GOLM1: variants seen among roughly 807,000 people sequenced by gnomAD.
GOLM1 encodes the protein golgi membrane protein 1, also known as epididymis luminal protein 46.
In GOLM1, 31 loss-of-function variants were observed where a neutral mutation model predicts 50.5. The observed-to-expected ratio is 0.61, with a 90% CI of 0.46 to 0.83. GOLM1 has a LOEUF of 0.83. Among genes scored for constraint, GOLM1 ranks in the 40% least tolerant of loss-of-function variants. GOLM1 has a pLI of 0.00. For missense variants in GOLM1, 491 were observed against 501.3 expected, an observed-to-expected ratio of 0.98 and a Z score of 0.20; for synonymous variants, 178 against 192.8, an observed-to-expected ratio of 0.92 and a Z score of 0.64.
At chr9:86,053,607 TCACACA>T (rs1833873179) in intron 3 of GOLM1, among the ~76,000 whole-genome samples, 2 of 3,016 alleles carry the variant, frequency 6.6e-4, no homozygotes, top group Non-Finnish European at 8.7e-4. Context: ...CACACACACA[TCACACA>T]CCACACCAAA....
intron 1 of GOLM1, among the ~76,000 whole-genome samples, chr9:86,085,827 T>A (rs551261323): frequency 6.6e-6 from 1 of 152,236 alleles, no homozygotes; most frequent in Non-Finnish European, 1.5e-5. Context: ...TATGGCTGCA[T>A]AGTATTCCAT....
At chr9:86,038,075 A>T (rs1833206436) in intron 6 of GOLM1, among the ~76,000 whole-genome samples, 1 of 151,318 alleles carries the variant, frequency 6.6e-6, no homozygotes, top group Non-Finnish European at 1.5e-5. Context: ...AATTGCTTCA[A>T]CCCGGGAGGC....
chr9:86,085,350 T>C (rs1563967821), intron 1 of GOLM1, among the ~76,000 whole-genome samples: 1 of 152,136 alleles, frequency 6.6e-6, no homozygotes. Flanking sequence ...CTAAAGCTCT[T>C]TGTCTATTAA....
At chr9:86,057,802 C>A (rs1834036783) in intron 3 of GOLM1, among the ~76,000 whole-genome samples, 1 of 152,222 alleles carries the variant, frequency 6.6e-6, no homozygotes, top group African/African-American at 2.4e-5. Flanking sequence ...TGGAGACTGG[C>A]GGCTCTGTCC....
intron 3 of GOLM1, among the ~76,000 whole-genome samples, chr9:86,065,235 T>C (rs1335184765): frequency 6.6e-6 from 1 of 152,158 alleles, no homozygotes; most frequent in African/African-American, 2.4e-5. Flanking sequence ...CTACACTCAC[T>C]TCCTCATCTT....
intron 3 of GOLM1, among the ~76,000 whole-genome samples, chr9:86,061,006 T>C (rs961892089): frequency 5.3e-5 from 8 of 150,902 alleles, no homozygotes; most frequent in Admixed American, 5.3e-4. Context: ...GGTATGATCA[T>C]GGTATTGTGG....
At chr9:86,090,786 CA>C (rs776381865) in intron 1 of GOLM1, among the ~76,000 whole-genome samples, 5,073 of 41,276 alleles carry the variant, frequency 0.12, 92 homozygotes, top group Non-Finnish European at 0.14. Flanking sequence ...ACTGGGGTAC[CA>C]AAAAAAAAAA....
rs376009791 is a variant in GOLM1 at position 86,077,538 on chromosome 9, G to T, written c.183C>A (p.Gly61=). 1 of 1,612,788 alleles carries T rather than the reference G, an allele frequency of 6.2e-7. No individual in the cohort carries two copies. ...GRVRRAAAER[G]AVELKKNEFQ... Reference sequence around the variant, plus strand: ...ACTCGTTCTTCTTCAGCTCCACGGCGCCTCTCTCTGCAGCCGCCCTGCGGA... The same window carrying T: ...ACTCGTTCTTCTTCAGCTCCACGGCTCCTCTCTCTGCAGCCGCCCTGCGGA... The change falls in exon 3 of 10, where the codon GGC becomes GGA. Residue 61 remains glycine (G), a synonymous_variant. Transcript: ENST00000388712.
At chr9:86,071,200 T>A (rs1001488388) in intron 3 of GOLM1, among the ~76,000 whole-genome samples, 1 of 152,000 alleles carries the variant, frequency 6.6e-6, no homozygotes, top group African/African-American at 2.4e-5. Context: ...GGGCTCAAGG[T>A]GATCCACCCA....
intron 3 of GOLM1, among the ~76,000 whole-genome samples, chr9:86,062,728 C>T (rs1430833998): frequency 6.7e-6 from 1 of 148,944 alleles, no homozygotes; most frequent in African/African-American, 2.5e-5. Flanking sequence ...GAGAAGCAAA[C>T]GGGGGGGGCT....
intron 1 of GOLM1, among the ~76,000 whole-genome samples, chr9:86,088,420 G>GTGTGCATATATATATATATA (rs1157260470): frequency 2.3e-5 from 2 of 86,306 alleles, no homozygotes; most frequent in African/African-American, 1.2e-4. Context: ...TTTGAAGGGT[G>GTGTGCATATATATATATATA]TATATATATA....
intron 1 of GOLM1, 105 bp from the exon 2 acceptor site, chr9:86,079,446 C>CTACCA: frequency 1.1e-6 from 1 of 901,816 alleles, no homozygotes; most frequent in Non-Finnish European, 1.6e-6. Flanking sequence ...TGCCAAGAAG[C>CTACCA]GTGGGCTGGT....
Position 86,052,558 on chromosome 9 carries a change from T to C in GOLM1, c.343A>G (p.Arg115Gly). The change falls in exon 4 of 10, where the codon AGG becomes GGG. Residue 115 changes from arginine (R) to glycine (G), a missense_variant. Transcript: ENST00000388712. ...TTACCTTGCAGCACTCGGATGAGCC[T>C]CTCACCTGTGGTGATGTTATTCACC... ...VLVNNITTGE[R>G]LIRVLQDQLK... is the part of the protein sequence containing the mutation. 6.2e-7 allele frequency: 1 copy of C among 1,613,742 alleles called. No individual in the cohort carries two copies. The highest frequency in any genetic ancestry group is 8.5e-7 in the Non-Finnish European group (1 of 1,179,688).
chr9:86,069,637 A>G (rs1834393652), intron 3 of GOLM1, among the ~76,000 whole-genome samples: 1 of 152,192 alleles, frequency 6.6e-6, no homozygotes, highest in Non-Finnish European at 1.5e-5. Context: ...CCTCTCATCC[A>G]GTGGGCTATG....
Position 86,090,275 on chromosome 9 carries a change from T to G in GOLM1, c.-22+9136A>C, listed in dbSNP as rs116028210. Among the ~76,000 whole-genome samples the G allele has an allele frequency of 3.5e-3, 533 of 152,294 alleles. 2 individuals carry two copies. The highest frequency in any genetic ancestry group is 0.01 in the African/African-American group (435 of 41,572). On this transcript the variant is annotated intron_variant, in intron 1 of 9. Transcript: ENST00000388712. ...GTCCCCTAGCAGACTTTGAGTGTTA[T>G]GCTGGGAGATCTGCTGCTCTCTTCA...
At chr9:86,031,548 G>A (rs1488288745) in intron 9 of GOLM1, among the ~76,000 whole-genome samples, 1 of 135,566 alleles carries the variant, frequency 7.4e-6, no homozygotes, top group Non-Finnish European at 1.5e-5. Context: ...TGCAACCTCT[G>A]CCTCCCGAGT....
At chr9:86,059,875 G>A (rs995007554) in intron 3 of GOLM1, among the ~76,000 whole-genome samples, 2 of 142,758 alleles carry the variant, frequency 1.4e-5, no homozygotes, top group South Asian at 2.3e-4. Flanking sequence ...ACTCCAGCCC[G>A]GGTGACACAG....
At chr9:86,087,537 C>T (rs11141221) in intron 1 of GOLM1, among the ~76,000 whole-genome samples, 36,744 of 152,086 alleles carry the variant, frequency 0.24, 7,541 homozygotes, top group African/African-American at 0.54. Flanking sequence ...AAGGGAATGC[C>T]TCCAGCTTTT....
rs531593822 is a variant in GOLM1 at position 86,035,893 on chromosome 9, A to C, written c.758-268T>G. ...AAAAAAAAAACAAAACAAAAAAAAAAAAACACCTGGACTAAATTACCTTGA... is the reference window on the plus strand; with the variant it reads ...AAAAAAAAAACAAAACAAAAAAAAACAAACACCTGGACTAAATTACCTTGA... On this transcript the variant is annotated intron_variant, in intron 7 of 9. Coordinates refer to ENST00000388712, the MANE Select transcript of GOLM1 (RefSeq NM_016548.4). 6.5e-4 allele frequency among the ~76,000 whole-genome samples: 99 copies of C among 151,232 alleles called. 4 individuals are homozygous for C. The highest frequency in any genetic ancestry group is 2.0e-3 in the African/African-American group (84 of 41,044).
Sources: gnomAD v4.1 joint callset for allele counts (sites outside exome capture counted in the v4.1 genomes callset) on GRCh38, gnomAD v4.1.1 for gene constraint, MANE v1.5 for transcripts, NCBI Gene and HGNC (gene_info 2026-07-23, HGNC 2026-07-21) for gene names.